The following CCDC149 variants were observed in gnomAD, a reference collection of about 807,000 sequenced individuals.
The protein encoded by CCDC149 is coiled-coil domain containing 149, also known as coiled-coil domain-containing protein 149.
In CCDC149, 45 loss-of-function variants were observed where a neutral mutation model predicts 59.9. That is an observed-to-expected ratio of 0.75 (90% CI 0.59 to 0.96). The LOEUF is 0.96. CCDC149 is among the 40% of genes least tolerant of loss of function. The probability of loss-of-function intolerance (pLI) is 0.00; values close to 1 mark genes in which losing one functional copy is unlikely to be tolerated. For synonymous variants in CCDC149, 245 were observed against 260.6 expected, an observed-to-expected ratio of 0.94 and a Z score of 0.58; for missense variants, 584 against 664.7, an observed-to-expected ratio of 0.88 and a Z score of 1.33.
chr4:24,919,559 G>C (rs1474426847), intron 1 of CCDC149, among the ~76,000 whole-genome samples: 3 of 152,220 alleles, frequency 2.0e-5, no homozygotes, highest in Admixed American at 1.3e-4. Flanking sequence ...AAAGCTCTGG[G>C]AGGGGCAGGA....
At chr4:24,835,510 C>A (rs1437111298) in intron 7 of CCDC149, among the ~76,000 whole-genome samples, 1 of 152,162 alleles carries the variant, frequency 6.6e-6, no homozygotes, top group African/African-American at 2.4e-5. Context: ...CATGTCATTC[C>A]TAGAACAGAC....
At chr4:24,944,359 T>C (rs1390030709) in intron 1 of CCDC149, among the ~76,000 whole-genome samples, 4 of 139,542 alleles carry the variant, frequency 2.9e-5, no homozygotes, top group Non-Finnish European at 6.1e-5. Context: ...TGAGAACGCA[T>C]GGACACAGGA....
chr4:24,817,131 G>C lies in CCDC149; in HGVS notation c.1192+2728C>G, dbSNP rs572361453. On this transcript the variant is annotated intron_variant, in intron 12 of 12. Transcript: ENST00000635206. ...TCAGTCCACGACTTACAACGCCCTT[G>C]TGAAAATCAAGCCAGGCTCATGCTC... Among the ~76,000 whole-genome samples the C allele has an allele frequency of 9.2e-5, 14 of 152,306 alleles. 1 individual carries two copies. The South Asian group carries it at 2.9e-3, about 32-fold the overall frequency.
intron 1 of CCDC149, among the ~76,000 whole-genome samples, chr4:24,931,310 A>AATATATATATATATATATACATATATAT (rs1722580340): frequency 2.2e-5 from 3 of 138,266 alleles, no homozygotes; most frequent in African/African-American, 8.5e-5. Context: ...TTTATTTTAA[A>AATATATATATATATATATACATATATAT]ATATATATAT....
chr4:24,818,750 A>G (rs1309731503), intron 12 of CCDC149, among the ~76,000 whole-genome samples: 2 of 152,222 alleles, frequency 1.3e-5, no homozygotes, highest in East Asian at 3.8e-4. Flanking sequence ...CCTCCAGAGT[A>G]AACAACCCGA....
intron 1 of CCDC149, among the ~76,000 whole-genome samples, chr4:24,957,372 T>C (rs908256259): frequency 6.6e-6 from 1 of 152,172 alleles, no homozygotes; most frequent in African/African-American, 2.4e-5. Flanking sequence ...ATGTATAACT[T>C]TATGAGAGGT....
chr4:24,874,246 TTTTTTTTTTTTTTG>T (rs1560230403), intron 2 of CCDC149, among the ~76,000 whole-genome samples: 3 of 12,824 alleles, frequency 2.3e-4, no homozygotes, highest in South Asian at 1.6e-3. Flanking sequence ...TTAGATTTGT[TTTTTTTTTTTTTTG>T]TTTTGTTTTT....
intron 3 of CCDC149, among the ~76,000 whole-genome samples, chr4:24,866,234 A>G (rs913979470): frequency 3.9e-5 from 6 of 152,084 alleles, no homozygotes; most frequent in African/African-American, 1.4e-4. Context: ...ATAAGCCATC[A>G]CTTTTTAGAA....
At chr4:24,960,922 A>G (rs1408301925) in intron 1 of CCDC149, among the ~76,000 whole-genome samples, 1 of 152,236 alleles carries the variant, frequency 6.6e-6, no homozygotes, top group African/African-American at 2.4e-5. Flanking sequence ...TTTTTAGACT[A>G]GAATTACCAA....
At chr4:24,929,506 A>G (rs953175434) in intron 1 of CCDC149, among the ~76,000 whole-genome samples, 32 of 152,364 alleles carry the variant, frequency 2.1e-4, no homozygotes, top group African/African-American at 6.7e-4. Context: ...AACTGTGGAG[A>G]TAGGTGATTG....
chr4:24,910,584 C>T (rs144240150), intron 1 of CCDC149, among the ~76,000 whole-genome samples: 1 of 152,162 alleles, frequency 6.6e-6, no homozygotes, highest in South Asian at 2.1e-4. Flanking sequence ...AAACACCAAG[C>T]CATTTGCTGC....
At chr4:24,917,660 C>T (rs1013492297), upstream of CCDC149, among the ~76,000 whole-genome samples, 8 of 151,978 alleles carry the variant, frequency 5.3e-5, no homozygotes, top group Non-Finnish European at 5.9e-5. Flanking sequence ...CCGTGGGCGT[C>T]GGTGGGGTGG....
intron 10 of CCDC149, among the ~76,000 whole-genome samples, chr4:24,822,204 TA>T (rs895410302): frequency 2.6e-5 from 4 of 151,078 alleles, no homozygotes; most frequent in Admixed American, 6.6e-5. Context: ...TCACAAAAGT[TA>T]AAAAAAAATA....
chr4:24,850,654 G>A (rs1034461306), intron 4 of CCDC149, among the ~76,000 whole-genome samples: 2 of 152,124 alleles, frequency 1.3e-5, no homozygotes, highest in Admixed American at 1.3e-4. Context: ...TGATCATGGA[G>A]GCCTAGGCAC....
At chr4:24,950,214 A>G (rs1379674037) in intron 1 of CCDC149, among the ~76,000 whole-genome samples, 1 of 152,230 alleles carries the variant, frequency 6.6e-6, no homozygotes, top group African/African-American at 2.4e-5. Context: ...GGCTGTGAGC[A>G]TGAACTCTGG....
chr4:24,891,661 A>G (rs1408156509), intron 1 of CCDC149, among the ~76,000 whole-genome samples: 1 of 152,218 alleles, frequency 6.6e-6, no homozygotes, highest in African/African-American at 2.4e-5. Flanking sequence ...GCACATAGAC[A>G]TCACTAATTC....
At chr4:24,956,986 A>G (rs1047244230) in intron 1 of CCDC149, among the ~76,000 whole-genome samples, 4 of 152,338 alleles carry the variant, frequency 2.6e-5, no homozygotes, top group Non-Finnish European at 5.9e-5. Context: ...AAGAAATCCC[A>G]TGGTACTAAG....
intron 3 of CCDC149, among the ~76,000 whole-genome samples, chr4:24,861,647 T>A (rs116163693): frequency 0.021 from 2,882 of 134,234 alleles, 101 homozygotes; most frequent in African/African-American, 0.076. Context: ...AAAAAAAAAA[T>A]GTAACCCCCT....
chr4:24,876,650 C>CA lies in CCDC149; in HGVS notation c.110dup (p.Ile38AspfsTer39). The CA allele has an allele frequency of 6.2e-7, 1 of 1,614,082 alleles. No individual in the cohort carries two copies. On this transcript the variant is annotated frameshift_variant, in exon 2 of 13. Transcript: ENST00000635206. LOFTEE classifies it high-confidence loss of function. ...AGGTGTCCAGCTCCTTGGAGAGGAT[C>CA]AGCAGGGCTTCCTTCTTACTCTCCA...
Sources: gnomAD v4.1 joint callset for allele counts (sites outside exome capture counted in the v4.1 genomes callset) on GRCh38, gnomAD v4.1.1 for gene constraint, MANE v1.5 for transcripts, NCBI Gene and HGNC (gene_info 2026-07-23, HGNC 2026-07-21) for gene names.